Variants in CLSTN3 observed in about 807,000 individuals in gnomAD.
CLSTN3 encodes the protein calsyntenin-3.
In CLSTN3, 36 loss-of-function variants were observed where a neutral mutation model predicts 95.9. That is an observed-to-expected ratio of 0.38 (90% CI 0.29 to 0.50). The LOEUF (loss-of-function observed/expected upper bound fraction) is 0.50. Among genes scored for constraint, CLSTN3 ranks in the 20% least tolerant of loss-of-function variants. CLSTN3 has a pLI of 0.95. For synonymous variants in CLSTN3, 481 were observed against 504.0 expected, an observed-to-expected ratio of 0.95 and a Z score of 0.61; for missense variants, 1,084 against 1,268.8, an observed-to-expected ratio of 0.85 and a Z score of 2.21.
chr12:7,130,479 G>T lies in CLSTN3; in HGVS notation c.-170G>T. On this transcript the variant is annotated 5_prime_UTR_variant, in exon 1 of 18. Transcript: ENST00000266546. ...GCCTCAGCTACCCAGATTGGGATCTGCCCAGGCCCGCTTTATGGACTAGTG... is the reference window on the plus strand; with the variant it reads ...GCCTCAGCTACCCAGATTGGGATCTTCCCAGGCCCGCTTTATGGACTAGTG... 1 of 1,517,312 alleles carries T rather than the reference G, an allele frequency of 6.6e-7. No individual in the cohort carries two copies. 94.0% of individuals were successfully genotyped at this position (1,517,312 alleles called of 1,614,324 possible).
chr12:7,158,131 G>A lies in CLSTN3; in HGVS notation c.*50G>A. 1 of 1,456,252 alleles carries A rather than the reference G, an allele frequency of 6.9e-7. No homozygotes were observed. The highest frequency in any genetic ancestry group is 9.1e-7 in the Non-Finnish European group (1 of 1,096,674). 90.2% of individuals were successfully genotyped at this position (1,456,252 alleles called of 1,614,324 possible). On this transcript the variant is annotated 3_prime_UTR_variant, in exon 18 of 18. Transcript: ENST00000266546. ...GGGGGAATTCTGCCCTGGTGAAACAGACACTCCAGACATGGGAGAAGGACT... is the reference window on the plus strand; with the variant it reads ...GGGGGAATTCTGCCCTGGTGAAACAAACACTCCAGACATGGGAGAAGGACT...
intron 10 of CLSTN3, 103 bp downstream of exon 10, chr12:7,142,242 C>A: frequency 2.0e-6 from 2 of 979,546 alleles, no homozygotes; most frequent in Admixed American, 2.3e-5. Context: ...TGACAGCCTC[C>A]TAGGCCACCA....
chr12:7,143,250 A>C lies in CLSTN3; in HGVS notation c.1786A>C (p.Met596Leu), dbSNP rs750472182. The change falls in exon 12 of 18, where the codon ATG (methionine) becomes CTG (leucine). Residue 596 changes from methionine to leucine, a missense_variant. Met to Leu is a conservative substitution (Grantham distance 15). Coordinates refer to ENST00000266546, the MANE Select transcript of CLSTN3 (RefSeq NM_014718.4). ...CCATGCCCTGCAGCATGTGGCTTAC[A>C]TGAACACTCTGCGCTTTGCCACGCC... is the stretch of plus-strand genomic sequence containing the variant. Reference protein sequence around the residue: ...FNHALQHVAYMNTLRFATPGV... With the variant: ...FNHALQHVAYLNTLRFATPGV... 6 of 1,613,598 alleles carry C rather than the reference A, an allele frequency of 3.7e-6. No individual in the cohort carries two copies. In the African/African-American group the frequency reaches 6.7e-5, roughly 18 times the overall value.
At position 7,150,426 on chromosome 12, in the gene CLSTN3, A is replaced by T; in HGVS notation, c.2246-118A>T. The stretch of plus-strand genomic sequence containing the variant: ...GACCTCAGGTCGCACTTCTGCGGAG[A>T]TGGGGCTGACCTGCTCTACAGCTTG... On this transcript the variant is annotated intron_variant, in intron 14 of 17. Transcript: ENST00000266546. The surrounding 1 kb of genome is among the most constrained non-coding windows in gnomAD (Gnocchi z 4.0). The T allele has an allele frequency of 8.0e-7, 1 of 1,246,064 alleles. No individual in the cohort carries two copies. Among genetic ancestry groups the T allele is most frequent in the South Asian group, 1.6e-5 (1 of 61,942 alleles). 77.2% of individuals were successfully genotyped at this position (1,246,064 alleles called of 1,614,324 possible). A position where few individuals can be genotyped will look rare whatever the true frequency, so the allele number is the denominator to read the frequency against.
rs1939533326 is a variant in CLSTN3 at position 7,141,990 on chromosome 12, T to C, written c.1487-96T>C. On this transcript the variant is annotated intron_variant, in intron 9 of 17. Transcript: ENST00000266546. The surrounding 1 kb of genome is among the most constrained non-coding windows in gnomAD (Gnocchi z 4.1). ...GAATCCCATGTGGGCATGAGAGCAC[T>C]CATGGGGATGAGAGGAAGACATCTC... 1 of 974,994 alleles carries C rather than the reference T, an allele frequency of 1.0e-6. No individual in the cohort carries two copies. The highest frequency in any genetic ancestry group is 1.6e-5 in the South Asian group (1 of 63,414). The allele number at this position is 974,994 out of a possible 1,614,324, so 60.4% of individuals were successfully genotyped here.
chr12:7,143,106 C>T (rs557925685), intron 11 of CLSTN3, 57 bp from the exon 12 acceptor site: 2 of 1,599,394 alleles, frequency 1.3e-6, no homozygotes, highest in Admixed American at 1.7e-5. Flanking sequence ...TACCTCTGCT[C>T]CCTTCCTCTG....
At chr12:7,151,958 G>T (rs1237967774) in intron 16 of CLSTN3, among the ~76,000 whole-genome samples, 1 of 151,592 alleles carries the variant, frequency 6.6e-6, no homozygotes, top group Non-Finnish European at 1.5e-5. Flanking sequence ...GGAGGCTGAG[G>T]TAGGAGGATC....
intron 16 of CLSTN3, among the ~76,000 whole-genome samples, chr12:7,155,260 A>C (rs940756968): frequency 6.6e-6 from 1 of 152,160 alleles, no homozygotes; most frequent in African/African-American, 2.4e-5. Flanking sequence ...TGATTTAAAA[A>C]TCCTCCCATC....
At chr12:7,132,700 T>G in intron 1 of CLSTN3, 2 of 577,136 alleles carry the variant, frequency 3.5e-6, no homozygotes, top group Non-Finnish European at 6.2e-6. Context: ...CTCTAGCACG[T>G]GAAATCGCTA....
rs762478857 is a variant in CLSTN3, at chr12:7,133,736, C to G, written c.351C>G (p.Gly117=). 6.3e-7 allele frequency: 1 copy of G among 1,594,010 alleles called. No homozygotes were observed. Among genetic ancestry groups the G allele is most frequent in the South Asian group, 1.1e-5 (1 of 88,016 alleles). Residue 117 remains glycine (G), a synonymous_variant, in exon 3 of 18, where the codon GGC becomes GGG. Coordinates refer to ENST00000266546, the MANE Select transcript of CLSTN3 (RefSeq NM_014718.4). The surrounding 1 kb of genome is among the most constrained non-coding windows in gnomAD (Gnocchi z 4.7). ...TCCAGGCCTATGACTGTGGCGAGGG[C>G]CCCGACGGGGCCAACACCAAGAAGT... ...FTIQAYDCGE[G]PDGANTKKSH...
chr12:7,156,332 C>G (rs192512191), intron 16 of CLSTN3: 262 of 456,986 alleles, frequency 5.7e-4, no homozygotes, highest in Non-Finnish European at 1.0e-3. Context: ...TGTGCTTCTT[C>G]GAGAGCTGTG....
chr12:7,130,322 C>T (rs757993021), upstream of CLSTN3: 25 of 1,098,994 alleles, frequency 2.3e-5, no homozygotes, highest in African/African-American at 1.5e-4. Flanking sequence ...CTCCCAGTCA[C>T]CTGATTGGCC....
chr12:7,157,984 G>A lies in CLSTN3; in HGVS notation c.2774G>A (p.Gly925Asp). 1.3e-6 allele frequency: 2 copies of A among 1,551,330 alleles called. No homozygotes were observed. Among genetic ancestry groups the A allele is most frequent in the African/African-American group, 1.4e-5 (1 of 73,086 alleles). The change falls in exon 18 of 18, where the codon GGC becomes GAC. Residue 925 changes from glycine to aspartate, a missense_variant. Coordinates refer to ENST00000266546, the MANE Select transcript of CLSTN3 (RefSeq NM_014718.4). The surrounding 1 kb of genome is among the most constrained non-coding windows in gnomAD (Gnocchi z 5.9). ...RQSCVTGAVG[G>D]QQEDEDSSDS... ...TCCTGTGTGACGGGGGCTGTTGGGG[G>A]CCAGCAGGAGGATGAGGACAGCAGT...
chr12:7,156,666 T>C (rs1939822357), intron 16 of CLSTN3: 1 of 456,772 alleles, frequency 2.2e-6, no homozygotes, highest in African/African-American at 2.0e-5. Context: ...AGCATGTACC[T>C]GTGCATGCAC....
Position 7,137,384 on chromosome 12 carries a change from C to T in CLSTN3, c.1210+274C>T, listed in dbSNP as rs759600095. ...GTGTCCCACCATGTGGTAGGCTGTC[C>T]CCACCCCCCATCTCCACCTCCATTA... On this transcript the variant is annotated intron_variant, in intron 7 of 17. Coordinates refer to ENST00000266546, the MANE Select transcript of CLSTN3 (RefSeq NM_014718.4). This position sits in a 1 kb window ranked among gnomAD's most constrained non-coding sequence, Gnocchi z 4.4. The T allele has an allele frequency of 1.1e-5, 5 of 440,244 alleles. No homozygotes were observed. The highest frequency in any genetic ancestry group is 2.1e-5 in the Non-Finnish European group (5 of 239,886). The allele number at this position is 440,244 out of a possible 1,614,324, so 27.3% of individuals were successfully genotyped here.
At chr12:7,139,902 C>T (rs1565650545) in intron 8 of CLSTN3, among the ~76,000 whole-genome samples, 1 of 152,154 alleles carries the variant, frequency 6.6e-6, no homozygotes, top group Non-Finnish European at 1.5e-5. Context: ...CCTTGGCCTC[C>T]TAAAGAGCTA....
At position 7,150,460 on chromosome 12, in the gene CLSTN3, C is replaced by A; in HGVS notation, c.2246-84C>A. ...ACCTGCTCTACAGCTTGTGTGGCGT[C>A]AGCTGGTGGGAGTCCAGGAGAGAGG... On this transcript the variant is annotated intron_variant, in intron 14 of 17. Coordinates refer to ENST00000266546, the MANE Select transcript of CLSTN3 (RefSeq NM_014718.4). The surrounding 1 kb of genome is among the most constrained non-coding windows in gnomAD (Gnocchi z 4.0). 6.7e-7 allele frequency: 1 copy of A among 1,497,292 alleles called. No individual in the cohort carries two copies. Among genetic ancestry groups the A allele is most frequent in the East Asian group, 2.3e-5 (1 of 42,896 alleles). 92.8% of individuals were successfully genotyped at this position (1,497,292 alleles called of 1,614,324 possible). A position where few individuals can be genotyped will look rare whatever the true frequency, so the allele number is the denominator to read the frequency against.
Position 7,141,280 on chromosome 12 carries a change from C to T in CLSTN3, c.1362C>T (p.Leu454=), listed in dbSNP as rs201416693. The change falls in exon 9 of 18, where the codon CTC becomes CTT. Residue 454 remains leucine, a synonymous_variant. Transcript: ENST00000266546. The surrounding 1 kb of genome is among the most constrained non-coding windows in gnomAD (Gnocchi z 4.1). ...DDEWHHYALN[L]EFPTVTLYTD... is the part of the protein sequence containing the mutation. ...AGTGGCACCACTACGCTCTGAACCT[C>T]GAGTTCCCCACAGTCACACTCTATA... 53 of 1,614,162 alleles carry T rather than the reference C, an allele frequency of 3.3e-5. No homozygotes were observed. Among genetic ancestry groups the T allele is most frequent in the Non-Finnish European group, 4.2e-5 (49 of 1,180,032 alleles).
intron 9 of CLSTN3, 84 bp from the exon 10 acceptor site, chr12:7,142,002 G>A: frequency 2.7e-6 from 3 of 1,119,842 alleles, no homozygotes; most frequent in East Asian, 5.2e-5. Flanking sequence ...ATGGGGATGA[G>A]AGGAAGACAT....
Sources: allele counts gnomAD v4.1 joint callset (sites outside exome capture counted in the v4.1 genomes callset), GRCh38; gene constraint gnomAD v4.1.1; non-coding constraint Gnocchi (gnomAD v3.1); transcripts MANE v1.5; gene names NCBI Gene and HGNC (gene_info 2026-07-23, HGNC 2026-07-21).